DCDC2: variants seen among roughly 807,000 people sequenced by gnomAD.
DCDC2 encodes the protein doublecortin domain-containing protein 2.
Under a neutral mutation model 50.2 loss-of-function variants are expected in DCDC2, and 40 were observed. The observed-to-expected ratio is 0.80, with a 90% CI of 0.62 to 1.04. The LOEUF is 1.04. DCDC2 is among the 50% of genes least tolerant of loss of function. The pLI is 0.00. For missense variants in DCDC2, 570 were observed against 581.9 expected (o/e 0.98, Z 0.21); for synonymous variants, 234 against 210.6 (o/e 1.11, Z -0.96).
Position 24,189,853 on chromosome 6 carries a change from T to G in DCDC2, c.1024-11221A>C, listed in dbSNP as rs188963849. Among the ~76,000 whole-genome samples the G allele has an allele frequency of 4.4e-3, 677 of 152,172 alleles. 2 individuals are homozygous for G. Among genetic ancestry groups the G allele is most frequent in the African/African-American group, 0.015 (633 of 41,502 alleles). ...AAAGTGTGTGGATTTGTTACAGGTT[T>G]TGGGGTAGAAGATATTTCTGTGGAT... is the stretch of plus-strand genomic sequence containing the variant. On this transcript the variant is annotated intron_variant, in intron 8 of 9. Transcript: ENST00000378454.
intron 2 of DCDC2, among the ~76,000 whole-genome samples, chr6:24,313,147 G>A (rs1581646909): frequency 6.6e-6 from 1 of 152,230 alleles, no homozygotes; most frequent in East Asian, 1.9e-4. Flanking sequence ...AATATATAAT[G>A]TTAAGCCTCA....
intron 7 of DCDC2, among the ~76,000 whole-genome samples, chr6:24,250,737 T>G (rs1762779033): frequency 6.7e-6 from 1 of 149,124 alleles, no homozygotes; most frequent in Non-Finnish European, 1.5e-5. Flanking sequence ...ACCTACCCTA[T>G]TAATTCAAGA....
chr6:24,365,047 C>G, the DCDC2 span, among the ~76,000 whole-genome samples: 1 of 152,264 alleles, frequency 6.6e-6, no homozygotes, highest in East Asian at 1.9e-4. Flanking sequence ...AACGGTGACT[C>G]TCTGACAAGC....
At chr6:24,200,575 C>T (rs933966374) in intron 8 of DCDC2, among the ~76,000 whole-genome samples, 32 of 152,010 alleles carry the variant, frequency 2.1e-4, no homozygotes, top group East Asian at 3.9e-4. Flanking sequence ...TAAAGACCAT[C>T]GACACTAAGA....
the DCDC2 span, among the ~76,000 whole-genome samples, chr6:24,380,593 G>C: frequency 6.6e-6 from 1 of 152,180 alleles, no homozygotes; most frequent in African/African-American, 2.4e-5. Context: ...GTGTTTCAGT[G>C]TATCTATTGG....
At chr6:24,197,292 G>C (rs1006325314) in intron 8 of DCDC2, among the ~76,000 whole-genome samples, 1 of 152,144 alleles carries the variant, frequency 6.6e-6, no homozygotes, top group Non-Finnish European at 1.5e-5. Flanking sequence ...GAGGATCATC[G>C]AATGTCAAAG....
At chr6:24,356,692 T>C (rs1400764981) in intron 1 of DCDC2, among the ~76,000 whole-genome samples, 1 of 152,224 alleles carries the variant, frequency 6.6e-6, no homozygotes, top group Non-Finnish European at 1.5e-5. Context: ...ATTGTTAGTG[T>C]GCAGGTAGTC....
At chr6:24,295,210 TAAAAC>T (rs980890260) in intron 4 of DCDC2, among the ~76,000 whole-genome samples, 8 of 152,036 alleles carry the variant, frequency 5.3e-5, no homozygotes, top group South Asian at 2.1e-4. Flanking sequence ...AAACAGAACT[TAAAAC>T]AAAAACCATA....
At chr6:24,233,776 T>C (rs1159945610) in intron 7 of DCDC2, among the ~76,000 whole-genome samples, 1 of 152,232 alleles carries the variant, frequency 6.6e-6, no homozygotes, top group Non-Finnish European at 1.5e-5. Flanking sequence ...CAAACATATA[T>C]AATATTTGCA....
intron 6 of DCDC2, among the ~76,000 whole-genome samples, chr6:24,281,998 T>C (rs534121605): frequency 6.6e-6 from 1 of 152,146 alleles, no homozygotes; most frequent in African/African-American, 2.4e-5. Flanking sequence ...TATGGTTCCC[T>C]AAAACAGCCA....
chr6:24,277,363 G>A (rs576839972), intron 7 of DCDC2, among the ~76,000 whole-genome samples: 3 of 152,152 alleles, frequency 2.0e-5, no homozygotes, highest in Non-Finnish European at 4.4e-5. Context: ...CCACCCCAGC[G>A]TCACTCCACT....
intron 7 of DCDC2, among the ~76,000 whole-genome samples, chr6:24,257,043 G>C (rs898031924): frequency 6.6e-6 from 1 of 152,048 alleles, no homozygotes; most frequent in Non-Finnish European, 1.5e-5. Context: ...TCAAATAAAT[G>C]GTCTTTTCTC....
At position 24,258,023 on chromosome 6, in the gene DCDC2, G is replaced by C. The variant is rs1430138835; in HGVS notation, c.922+20026C>G. On this transcript the variant is annotated intron_variant, in intron 7 of 9. Coordinates refer to ENST00000378454, the MANE Select transcript of DCDC2 (RefSeq NM_016356.5). Reference sequence around the variant, plus strand: ...GTGGTGTAAGAGGAGACACGGAGGGGATTAGAAAGGAATCAGGCATGGACT... The same window carrying C: ...GTGGTGTAAGAGGAGACACGGAGGGCATTAGAAAGGAATCAGGCATGGACT... Among the ~76,000 whole-genome samples the C allele has an allele frequency of 2.6e-5, 4 of 152,160 alleles. No individual in the cohort carries two copies. The East Asian group carries it at 7.7e-4, about 29-fold the overall frequency.
intron 4 of DCDC2, among the ~76,000 whole-genome samples, chr6:24,294,254 C>T (rs975961591): frequency 1.3e-5 from 2 of 152,108 alleles, no homozygotes; most frequent in South Asian, 4.1e-4. Flanking sequence ...AGCTGCTTGG[C>T]TGAGGTGGGA....
chr6:24,359,141 ATTATATATT>A (rs1451891114), upstream of DCDC2, among the ~76,000 whole-genome samples: 387 of 63,238 alleles, frequency 6.1e-3, 15 homozygotes, highest in African/African-American at 0.02. Flanking sequence ...TTTTATATAT[ATTATATATT>A]TTATATATTT....
chr6:24,364,736 CAAA>C, the DCDC2 span, among the ~76,000 whole-genome samples: 2 of 138,412 alleles, frequency 1.4e-5, no homozygotes. Context: ...TTCAGATCAG[CAAA>C]AAAAAAAAAA....
rs1033780973 is a variant in DCDC2, at chr6:24,174,638, C to T, written c.*92G>A. 79 of 848,782 alleles carry T rather than the reference C, an allele frequency of 9.3e-5. No homozygotes were observed. The highest frequency in any genetic ancestry group is 2.4e-4 in the Middle Eastern group (1 of 4,140). 52.6% of individuals were successfully genotyped at this position (848,782 alleles called of 1,614,324 possible). A position where few individuals can be genotyped will look rare whatever the true frequency, so the allele number is the denominator to read the frequency against. On this transcript the variant is annotated 3_prime_UTR_variant, in exon 10 of 10. Coordinates refer to ENST00000378454, the MANE Select transcript of DCDC2 (RefSeq NM_016356.5). ...TAGGTAGTATTCGACCATAGTGTCA[C>T]ATTATATTCAGCAATAACTATGTGC...
chr6:24,274,032 C>T (rs1763297290), intron 7 of DCDC2, among the ~76,000 whole-genome samples: 1 of 152,242 alleles, frequency 6.6e-6, no homozygotes, highest in Non-Finnish European at 1.5e-5. Context: ...CGTGCCCACT[C>T]ACCCAAAGTG....
At chr6:24,322,387 A>G (rs558067718) in intron 2 of DCDC2, among the ~76,000 whole-genome samples, 11 of 152,164 alleles carry the variant, frequency 7.2e-5, no homozygotes, top group African/African-American at 2.4e-4. Flanking sequence ...AAAATGTTTT[A>G]CCCTAAAATA....
Sources: gnomAD v4.1 joint callset for allele counts (sites outside exome capture counted in the v4.1 genomes callset) on GRCh38, gnomAD v4.1.1 for gene constraint, MANE v1.5 for transcripts, NCBI Gene and HGNC (gene_info 2026-07-23, HGNC 2026-07-21) for gene names.